DDX11: variants seen among roughly 807,000 people sequenced by gnomAD.
The protein encoded by DDX11 is ATP-dependent DNA helicase DDX11.
In DDX11, 72 loss-of-function variants were observed where a neutral mutation model predicts 125.2. That is an observed-to-expected ratio of 0.58 (90% confidence interval 0.48 to 0.70). The LOEUF (loss-of-function observed/expected upper bound fraction) is 0.70, where lower values mean the gene tolerates loss of function less well. Ranked by LOEUF, DDX11 falls within the 30% of genes least tolerant of loss-of-function variation. DDX11 has a pLI of 0.00. For missense variants in DDX11, 883 were observed against 1,165.0 expected, an observed-to-expected ratio of 0.76 and a Z score of 3.52; for synonymous variants, 347 against 452.6, an observed-to-expected ratio of 0.77 and a Z score of 2.96.
chr12:31,091,979 A>T (rs1251030857), intron 10 of DDX11, 108 bp downstream of exon 10: 1 of 1,512,444 alleles, frequency 6.6e-7, no homozygotes, highest in Non-Finnish European at 9.1e-7. Flanking sequence ...GGGGCTTGAT[A>T]GAGGGTGCAC....
chr12:31,099,084 C>CTTT (rs763612105), intron 18 of DDX11, among the ~76,000 whole-genome samples: 11 of 63,716 alleles, frequency 1.7e-4, no homozygotes, highest in Non-Finnish European at 2.6e-4. Flanking sequence ...TTCTTTCTTT[C>CTTT]TTTTTTTTTT....
intron 4 of DDX11, 58 bp downstream of exon 4, chr12:31,084,727 G>A: frequency 6.6e-7 from 1 of 1,506,378 alleles, no homozygotes; most frequent in East Asian, 2.4e-5. Flanking sequence ...TCTGCTTGGA[G>A]GCTCATGGGT....
intron 4 of DDX11, 133 bp downstream of exon 4, chr12:31,084,802 T>C (rs1309538710): frequency 9.8e-7 from 1 of 1,021,206 alleles, no homozygotes; most frequent in African/African-American, 1.6e-5. Context: ...GTACAGAAGC[T>C]GGGCTGTGAG....
Position 31,083,167 on chromosome 12 carries a change from G to A in DDX11, c.145-646G>A, listed in dbSNP as rs181764560. Among the ~76,000 whole-genome samples, 13 of 152,228 alleles carry A rather than the reference G, an allele frequency of 8.5e-5. No homozygotes were observed. In the East Asian group the frequency reaches 2.3e-3, roughly 27 times the overall value. ...TAGTGTTCTCCAGTCTGTATATGGAGGCGCACACCTATGGTCCCAGCCACT... is the reference window on the plus strand; with the variant it reads ...TAGTGTTCTCCAGTCTGTATATGGAAGCGCACACCTATGGTCCCAGCCACT... On this transcript the variant is annotated intron_variant, in intron 2 of 26. Coordinates refer to ENST00000542838, the MANE Select transcript of DDX11 (RefSeq NM_030653.4).
chr12:31,085,444 G>T (rs1425601105), intron 5 of DDX11, among the ~76,000 whole-genome samples: 1 of 152,262 alleles, frequency 6.6e-6, no homozygotes, highest in Non-Finnish European at 1.5e-5. Context: ...AGCCTCGGCA[G>T]TGGAGAGCTG....
rs918375908 is a variant in DDX11, at chr12:31,097,062, A to G, written c.1762+72A>G. 3.1e-6 allele frequency: 5 copies of G among 1,594,522 alleles called. No individual in the cohort carries two copies. The African/African-American group carries it at 5.4e-5, about 17-fold the overall frequency. On this transcript the variant is annotated intron_variant, in intron 17 of 26. Transcript: ENST00000542838. ...AGCTGAGCCCGGGAGCCGCAGCGTG[A>G]AAGGATTCTTTCCTTCCATCCTGGG...
chr12:31,079,728 C>T (rs1941490255), intron 2 of DDX11, among the ~76,000 whole-genome samples: 1 of 152,324 alleles, frequency 6.6e-6, no homozygotes, highest in South Asian at 2.1e-4. Flanking sequence ...CGATCCTCCC[C>T]TCTCAGCCTC....
chr12:31,099,141 G>T lies in DDX11; in HGVS notation c.1875+1144G>T, dbSNP rs143639801. The stretch of plus-strand genomic sequence containing the variant: ...CTCGCTCTGTCTCCCAGGCTGGAGC[G>T]CAGTGACCTGATCACGGCTCTCTGC... On this transcript the variant is annotated intron_variant, in intron 18 of 26. Transcript: ENST00000542838. 1.7e-3 allele frequency among the ~76,000 whole-genome samples: 224 copies of T among 134,908 alleles called. 1 individual carries two copies. The highest frequency in any genetic ancestry group is 6.0e-3 in the African/African-American group (209 of 35,022). The allele number at this position is 134,908 out of a possible 152,430, so 88.5% of individuals were successfully genotyped here.
At chr12:31,093,093 G>A in intron 11 of DDX11, 152 bp from the exon 12 acceptor site, 1 of 1,005,832 alleles carries the variant, frequency 9.9e-7, no homozygotes, top group Admixed American at 2.0e-5. Context: ...CTGGCTCTGA[G>A]GCCTGGGGCC....
intron 1 of DDX11, among the ~76,000 whole-genome samples, chr12:31,077,587 C>T (rs1393000850): frequency 6.6e-6 from 1 of 151,896 alleles, no homozygotes; most frequent in African/African-American, 2.4e-5. Context: ...GTGGCTCACG[C>T]CTGTAATCCC....
chr12:31,100,979 C>T, intron 19 of DDX11, 48 bp from the exon 20 acceptor site: 2 of 1,524,066 alleles, frequency 1.3e-6, no homozygotes, highest in African/African-American at 1.4e-5. Flanking sequence ...CAGTGTCTTG[C>T]AGCACACCTG....
At chr12:31,086,598 C>G (rs181452680) in intron 5 of DDX11, among the ~76,000 whole-genome samples, 2 of 152,320 alleles carry the variant, frequency 1.3e-5, no homozygotes, top group East Asian at 1.9e-4. Context: ...TCTGCTCCCT[C>G]TCTTCTCCCT....
chr12:31,104,092 T>C lies in DDX11; in HGVS notation c.*256T>C. 1 of 1,513,310 alleles carries C rather than the reference T, an allele frequency of 6.6e-7. No individual in the cohort carries two copies. The highest frequency in any genetic ancestry group is 1.3e-5 in the South Asian group (1 of 76,462). 93.7% of individuals were successfully genotyped at this position (1,513,310 alleles called of 1,614,324 possible). On this transcript the variant is annotated 3_prime_UTR_variant, in exon 27 of 27. Transcript: ENST00000542838. ...GGGCAGCTCCCCTCCTGGAATAGAA[T>C]CTTTCTTTCCATCCTGCATGGCTGA...
Position 31,089,605 on chromosome 12 carries a change from A to G in DDX11, c.880+115A>G, listed in dbSNP as rs1013940724. ...TAGAAAGAATGGCAGAGGAGACCCC[A>G]GTTCCTTCCTGAGTCCCCTCTCCTT... On this transcript the variant is annotated intron_variant, in intron 8 of 26. Transcript: ENST00000542838. 3.5e-5 allele frequency: 41 copies of G among 1,174,622 alleles called. No individual in the cohort carries two copies. The African/African-American group carries it at 5.4e-4, about 15-fold the overall frequency. The allele number at this position is 1,174,622 out of a possible 1,614,324, so 72.8% of individuals were successfully genotyped here.
rs1941032615 is a variant in DDX11, at chr12:31,077,997, A to G, written c.-4-393A>G. Reference sequence around the variant, plus strand: ...GCTTCGGCTTGTGAATGTGCATTGCAGAGACGTGGGAGAAGAAAGCTGCAA... The same window carrying G: ...GCTTCGGCTTGTGAATGTGCATTGCGGAGACGTGGGAGAAGAAAGCTGCAA... On this transcript the variant is annotated intron_variant, in intron 1 of 26. Coordinates refer to ENST00000542838, the MANE Select transcript of DDX11 (RefSeq NM_030653.4). The G allele has an allele frequency of 8.4e-6, 3 of 359,086 alleles. No homozygotes were observed. In the East Asian group the frequency reaches 2.2e-4, roughly 26 times the overall value. The allele number at this position is 359,086 out of a possible 1,614,324, so 22.2% of individuals were successfully genotyped here.
intron 4 of DDX11, 90 bp downstream of exon 4, chr12:31,084,759 C>T (rs79540602): frequency 0.038 from 48,759 of 1,285,522 alleles, 1,944 homozygotes; most frequent in East Asian, 0.18. Context: ...GCCTTGGTCT[C>T]CCCTCCGTGA....
rs777044583 is a variant in DDX11 at position 31,101,890 on chromosome 12, G to T, written c.2110G>T (p.Val704Phe). The change falls in exon 21 of 27, where the codon GTC becomes TTC. Residue 704 changes from valine to phenylalanine, a missense_variant. By Grantham distance (50) the Val-to-Phe change is conservative. Around this residue, in one of 5 missense-constraint regions of DDX11, gnomAD observed 285 missense variants for 346.0 expected, o/e 0.82. Coordinates refer to ENST00000542838, the MANE Select transcript of DDX11 (RefSeq NM_030653.4). ...NLCGVVPGGVVCFFPSYEYLR... is the reference protein window; with the variant it reads ...NLCGVVPGGVFCFFPSYEYLR... ...GTGCGGTGTGGTTCCTGGAGGGGTG[G>T]TCTGTTTCTTCCCCTCCTACGAGTA... The T allele has an allele frequency of 1.2e-6, 2 of 1,613,920 alleles. No individual in the cohort carries two copies. The highest frequency in any genetic ancestry group is 2.2e-5 in the East Asian group (1 of 44,876).
intron 1 of DDX11, among the ~76,000 whole-genome samples, chr12:31,077,359 G>A (rs1315229445): frequency 6.6e-6 from 1 of 152,192 alleles, no homozygotes; most frequent in Non-Finnish European, 1.5e-5. Flanking sequence ...AGCAAGGAAA[G>A]AGAAATGCCT....
intron 5 of DDX11, chr12:31,087,537 G>A (rs1943367297): frequency 3.0e-6 from 1 of 337,284 alleles, no homozygotes; most frequent in Non-Finnish European, 5.8e-6. Context: ...ACTGGGAGCT[G>A]GTGAGGGGAG....
Sources: allele counts gnomAD v4.1 joint callset (sites outside exome capture counted in the v4.1 genomes callset), GRCh38; gene constraint gnomAD v4.1.1; regional missense constraint gnomAD v4.1.1; transcripts MANE v1.5; gene names NCBI Gene and HGNC (gene_info 2026-07-23, HGNC 2026-07-21).